The following TULP4 variants were observed in gnomAD, a reference collection of about 807,000 sequenced individuals.
TULP4 encodes TUB like protein 4, also known as tubby-related protein 4.
In TULP4, 16 loss-of-function variants were observed where a neutral mutation model predicts 129.0. The observed-to-expected ratio is 0.12, with a 90% CI of 0.08 to 0.19. The LOEUF (loss-of-function observed/expected upper bound fraction) is 0.19, where lower values mean the gene tolerates loss of function less well. Among genes scored for constraint, TULP4 ranks in the 10% least tolerant of loss-of-function variants. TULP4 has a pLI of 1.00. For synonymous variants in TULP4, 998 were observed against 854.0 expected, an observed-to-expected ratio of 1.17 and a Z score of -2.94; for missense variants, 1,842 against 2,059.1, an observed-to-expected ratio of 0.89 and a Z score of 2.04.
intron 1 of TULP4, among the ~76,000 whole-genome samples, chr6:158,363,459 G>A (rs1780847444): frequency 6.6e-6 from 1 of 152,058 alleles, no homozygotes. Context: ...GTAAGTTGAA[G>A]GTATGATAGT....
chr6:158,267,972 T>A (rs556221394), intron 1 of TULP4, among the ~76,000 whole-genome samples: 6 of 151,630 alleles, frequency 4.0e-5, no homozygotes, highest in African/African-American at 1.2e-4. Context: ...GTTTTTAAAA[T>A]TTTTTTTTGT....
chr6:158,426,656 G>A (rs1778501580), intron 2 of TULP4, among the ~76,000 whole-genome samples: 1 of 152,150 alleles, frequency 6.6e-6, no homozygotes, highest in Non-Finnish European at 1.5e-5. Flanking sequence ...GTAGCATGAT[G>A]CCTCCAGCTT....
chr6:158,403,378 T>C (rs1339210711), intron 1 of TULP4, among the ~76,000 whole-genome samples: 1 of 152,206 alleles, frequency 6.6e-6, no homozygotes, highest in Non-Finnish European at 1.5e-5. Flanking sequence ...TCGCTCTTGT[T>C]GCCCAGGCTG....
At chr6:158,271,698 G>C (rs1488804200) in intron 1 of TULP4, among the ~76,000 whole-genome samples, 1 of 152,100 alleles carries the variant, frequency 6.6e-6, no homozygotes, top group Non-Finnish European at 1.5e-5. Context: ...CCAAAGTGCT[G>C]GGATTACAGG....
chr6:158,479,929 C>T lies in TULP4; in HGVS notation c.1205C>T (p.Pro402Leu), dbSNP rs145013915. ...DKDVSKLTLPPRLCSYLSTAF... is the reference protein window; with the variant it reads ...DKDVSKLTLPLRLCSYLSTAF... ...GACGTCAGCAAGCTGACTCTGCCCC[C>T]CCGCCTCTGCTCCTACCTCTCCACT... The change falls in exon 7 of 14, where the codon CCC (proline) becomes CTC (leucine). Residue 402 changes from proline (P) to leucine (L), a missense_variant. This residue lies in a region of TULP4 where 456 missense variants were observed against 534.3 expected (regional missense o/e 0.85). Transcript: ENST00000367097. 5.0e-6 allele frequency: 8 copies of T among 1,610,878 alleles called. No homozygotes were observed. The Admixed American group carries it at 6.7e-5, about 13-fold the overall frequency.
At chr6:158,380,804 G>T (rs541313686) in intron 1 of TULP4, among the ~76,000 whole-genome samples, 22 of 146,902 alleles carry the variant, frequency 1.5e-4, no homozygotes, top group African/African-American at 5.3e-4. Context: ...TGAGGCAAGA[G>T]AATTACTGGA....
chr6:158,308,911 G>A (rs1358932745), upstream of TULP4, among the ~76,000 whole-genome samples: 10 of 121,196 alleles, frequency 8.3e-5, no homozygotes, highest in East Asian at 4.5e-4. Flanking sequence ...CCTCCCGGAC[G>A]GGGCGGCTGG....
chr6:158,449,221 G>A, intron 4 of TULP4, 45 bp downstream of exon 4: 1 of 1,576,928 alleles, frequency 6.3e-7, no homozygotes, highest in Non-Finnish European at 8.6e-7. Flanking sequence ...AGAAGGACAA[G>A]GAAGGGCATC....
chr6:158,302,934 G>A (rs1160217379), intron 1 of TULP4, among the ~76,000 whole-genome samples: 1 of 151,312 alleles, frequency 6.6e-6, no homozygotes, highest in Non-Finnish European at 1.5e-5. Flanking sequence ...AATGTGCTCT[G>A]GTGAACTTCA....
chr6:158,321,922 T>TA (rs1157297772), intron 1 of TULP4, among the ~76,000 whole-genome samples: 1 of 152,232 alleles, frequency 6.6e-6, no homozygotes, highest in Non-Finnish European at 1.5e-5. Flanking sequence ...TGGGAATTTC[T>TA]AGATTGTAAG....
At chr6:158,355,253 AAAT>A (rs1780618979) in intron 1 of TULP4, among the ~76,000 whole-genome samples, 3 of 151,892 alleles carry the variant, frequency 2.0e-5, no homozygotes, top group Non-Finnish European at 4.4e-5. Flanking sequence ...CAGGTAATTA[AAAT>A]AATTATTTTG....
At position 158,493,437 on chromosome 6, in the gene TULP4, A is replaced by G; in HGVS notation, c.1632-136A>G. On this transcript the variant is annotated intron_variant, in intron 9 of 13. Coordinates refer to ENST00000367097, the MANE Select transcript of TULP4 (RefSeq NM_020245.5). This position sits in a 1 kb window ranked among gnomAD's most constrained non-coding sequence, Gnocchi z 4.4. ...CAAAAGCAAGGGGAGAGCTTTGTTAAATTCGGGCACTGGCTGCAGGGTGAG... is the reference window on the plus strand; with the variant it reads ...CAAAAGCAAGGGGAGAGCTTTGTTAGATTCGGGCACTGGCTGCAGGGTGAG... 1 of 868,346 alleles carries G rather than the reference A, an allele frequency of 1.2e-6. No homozygotes were observed. Among genetic ancestry groups the G allele is most frequent in the Non-Finnish European group, 1.6e-6 (1 of 620,244 alleles). 53.8% of individuals were successfully genotyped at this position (868,346 alleles called of 1,614,324 possible).
intron 1 of TULP4, among the ~76,000 whole-genome samples, chr6:158,321,668 AG>A (rs1779636585): frequency 6.6e-6 from 1 of 152,132 alleles, no homozygotes; most frequent in East Asian, 1.9e-4. Flanking sequence ...TCTTGTTATT[AG>A]CAAGACCTCC....
At chr6:158,242,405 G>A in intron 1 of TULP4, 6 of 1,403,482 alleles carry the variant, frequency 4.3e-6, no homozygotes, top group African/African-American at 1.4e-5. Context: ...CATAAGCATC[G>A]TGGGAGTTTC....
chr6:158,425,543 C>G (rs1778466661), intron 2 of TULP4, among the ~76,000 whole-genome samples: 2 of 149,144 alleles, frequency 1.3e-5, no homozygotes, highest in South Asian at 4.2e-4. Context: ...AAAATGGCAG[C>G]CGACGCAAGT....
At chr6:158,290,602 C>T (rs1355828307) in intron 1 of TULP4, among the ~76,000 whole-genome samples, 1 of 152,078 alleles carries the variant, frequency 6.6e-6, no homozygotes, top group Non-Finnish European at 1.5e-5. Flanking sequence ...TCTGTTTTTA[C>T]CCCTCCAGTG....
chr6:158,480,503 A>G (rs10499310), intron 7 of TULP4, among the ~76,000 whole-genome samples: 25,995 of 152,212 alleles, frequency 0.17, 2,862 homozygotes, highest in Middle Eastern at 0.24. Context: ...GCCACCTTTT[A>G]TACCAGTGGG....
At chr6:158,332,790 TGTG>T (rs746101213) in intron 1 of TULP4, among the ~76,000 whole-genome samples, 1 of 152,186 alleles carries the variant, frequency 6.6e-6, no homozygotes, top group Admixed American at 6.5e-5. Flanking sequence ...ATTTTCATCT[TGTG>T]GTGTCCCTCT....
intron 1 of TULP4, among the ~76,000 whole-genome samples, chr6:158,389,967 C>A (rs932249198): frequency 1.3e-5 from 2 of 151,334 alleles, no homozygotes; most frequent in African/African-American, 4.9e-5. Flanking sequence ...AAAAGTTAGC[C>A]GGGTGTGGGT....
Sources: gnomAD v4.1 joint callset for allele counts (sites outside exome capture counted in the v4.1 genomes callset) on GRCh38, gnomAD v4.1.1 for gene constraint, gnomAD v4.1.1 regional missense constraint, Gnocchi (gnomAD v3.1) non-coding constraint, MANE v1.5 for transcripts, NCBI Gene and HGNC (gene_info 2026-07-23, HGNC 2026-07-21) for gene names.